The following MYO3B variants were observed in gnomAD, a reference collection of about 807,000 sequenced individuals.
MYO3B encodes the protein myosin-IIIb.
In MYO3B, 156 loss-of-function variants were observed where a neutral mutation model predicts 174.6. That is an observed-to-expected ratio of 0.89 (90% confidence interval 0.78 to 1.02). The LOEUF (loss-of-function observed/expected upper bound fraction) is 1.02. MYO3B is among the 50% of genes least tolerant of loss of function. The pLI, the probability that MYO3B is intolerant of heterozygous loss-of-function variation, is 0.00. For synonymous variants in MYO3B, 563 were observed against 569.1 expected, an observed-to-expected ratio of 0.99 and a Z score of 0.15; for missense variants, 1,632 against 1,639.4, an observed-to-expected ratio of 1.00 and a Z score of 0.08.
chr2:170,460,568 T>A (rs1684225569), intron 23 of MYO3B, among the ~76,000 whole-genome samples: 1 of 149,590 alleles, frequency 6.7e-6, no homozygotes, highest in Admixed American at 6.7e-5. Flanking sequence ...GAATTACAGA[T>A]AAGCATTAGC....
At chr2:170,513,420 C>T (rs1306083462) in intron 28 of MYO3B, among the ~76,000 whole-genome samples, 1 of 152,200 alleles carries the variant, frequency 6.6e-6, no homozygotes, top group Non-Finnish European at 1.5e-5. Context: ...AGACCCATCA[C>T]TTCACTCTCA....
At chr2:170,547,163 CAAAAA>C (rs55824079) in intron 32 of MYO3B, among the ~76,000 whole-genome samples, 1 of 128,020 alleles carries the variant, frequency 7.8e-6, no homozygotes, top group Non-Finnish European at 1.6e-5. Flanking sequence ...ACTAAAAATA[CAAAAA>C]AAAAAAAAAA....
chr2:170,628,260 C>T (rs1424720666), intron 32 of MYO3B, among the ~76,000 whole-genome samples: 1 of 152,230 alleles, frequency 6.6e-6, no homozygotes, highest in Non-Finnish European at 1.5e-5. Context: ...GCGCCCCACC[C>T]CCAGCCTCAC....
chr2:170,421,252 G>A (rs570280334), intron 22 of MYO3B, among the ~76,000 whole-genome samples: 14 of 152,262 alleles, frequency 9.2e-5, no homozygotes, highest in South Asian at 4.1e-4. Context: ...TTCAGAAGGC[G>A]CTCCATTCAG....
intron 16 of MYO3B, among the ~76,000 whole-genome samples, chr2:170,395,472 G>A (rs1199266422): frequency 2.0e-5 from 3 of 152,092 alleles, no homozygotes; most frequent in Non-Finnish European, 4.4e-5. Context: ...CTTTGAGATC[G>A]GCGCAAAATT....
At chr2:170,340,655 G>C (rs1258898379) in intron 8 of MYO3B, 1 of 152,122 alleles carries the variant, frequency 6.6e-6, no homozygotes, top group African/African-American at 2.4e-5. Flanking sequence ...AACAAAAAAG[G>C]CATATGATCT....
chr2:170,288,889 T>C (rs546977360), intron 7 of MYO3B, among the ~76,000 whole-genome samples: 4 of 152,252 alleles, frequency 2.6e-5, no homozygotes, highest in Non-Finnish European at 5.9e-5. Flanking sequence ...GTTCCTTCCA[T>C]ACTCATTTTG....
intron 6 of MYO3B, among the ~76,000 whole-genome samples, chr2:170,226,500 G>C (rs2092953377): frequency 6.6e-6 from 1 of 152,190 alleles, no homozygotes; most frequent in Admixed American, 6.5e-5. Context: ...ACGGCCCAAG[G>C]TGCAAGGGGT....
chr2:170,284,119 G>C (rs1281057019), intron 7 of MYO3B, among the ~76,000 whole-genome samples: 2 of 152,144 alleles, frequency 1.3e-5, no homozygotes, highest in Non-Finnish European at 2.9e-5. Context: ...GAATGTTTGT[G>C]TCAGATGTCT....
chr2:170,472,246 G>C (rs988296606), intron 25 of MYO3B, among the ~76,000 whole-genome samples: 1 of 152,154 alleles, frequency 6.6e-6, no homozygotes, highest in African/African-American at 2.4e-5. Flanking sequence ...CCCCCATGGG[G>C]TGAGCTGCAG....
intron 8 of MYO3B, among the ~76,000 whole-genome samples, chr2:170,355,641 T>G (rs1055891350): frequency 6.6e-6 from 1 of 152,240 alleles, no homozygotes; most frequent in African/African-American, 2.4e-5. Context: ...TTGTTGGGAT[T>G]GAATCGCTCC....
intron 8 of MYO3B, chr2:170,342,311 C>T (rs1334336574): frequency 6.6e-6 from 1 of 152,134 alleles, no homozygotes; most frequent in African/African-American, 2.4e-5. Flanking sequence ...AAAAAAATTA[C>T]ACTTGATTTT....
At chr2:170,627,394 A>G (rs1696542056) in intron 32 of MYO3B, among the ~76,000 whole-genome samples, 1 of 152,178 alleles carries the variant, frequency 6.6e-6, no homozygotes, top group South Asian at 2.1e-4. Flanking sequence ...CATGGTTTTC[A>G]GCTCCATCAG....
chr2:170,209,856 A>G (rs1381089215), intron 3 of MYO3B, among the ~76,000 whole-genome samples: 3 of 152,190 alleles, frequency 2.0e-5, no homozygotes, highest in Non-Finnish European at 4.4e-5. Context: ...AATATAACCT[A>G]AATAATATTG....
At chr2:170,646,533 C>G (rs1339016046) in intron 32 of MYO3B, among the ~76,000 whole-genome samples, 1 of 151,764 alleles carries the variant, frequency 6.6e-6, no homozygotes, top group East Asian at 2.0e-4. Context: ...TAGTTGGGAC[C>G]ATAGGTGCAT....
intron 24 of MYO3B, among the ~76,000 whole-genome samples, chr2:170,465,273 G>A (rs530360834): frequency 4.1e-4 from 62 of 152,158 alleles, no homozygotes; most frequent in South Asian, 1.0e-3. Context: ...GTGAGGCCTC[G>A]GGGAGCTTTT....
intron 8 of MYO3B, among the ~76,000 whole-genome samples, chr2:170,361,218 C>T (rs2094158257): frequency 6.6e-6 from 1 of 152,226 alleles, no homozygotes; most frequent in Admixed American, 6.5e-5. Flanking sequence ...CCAGGGACCA[C>T]ACCTTCTCCA....
intron 32 of MYO3B, among the ~76,000 whole-genome samples, chr2:170,587,893 A>G (rs1206241989): frequency 6.6e-6 from 1 of 152,226 alleles, no homozygotes; most frequent in Non-Finnish European, 1.5e-5. Flanking sequence ...AACTCTAGAT[A>G]AGCTGATTAT....
intron 32 of MYO3B, among the ~76,000 whole-genome samples, chr2:170,611,166 C>A (rs1364922342): frequency 6.6e-6 from 1 of 152,134 alleles, no homozygotes; most frequent in South Asian, 2.1e-4. Context: ...AGCAGGTCAG[C>A]CCCCTCGGCA....
Sources: gnomAD v4.1 joint callset for allele counts (sites outside exome capture counted in the v4.1 genomes callset) on GRCh38, gnomAD v4.1.1 for gene constraint, MANE v1.5 for transcripts, NCBI Gene and HGNC (gene_info 2026-07-23, HGNC 2026-07-21) for gene names.